Variants in SH3KBP1 observed in about 807,000 individuals in gnomAD.
The protein encoded by SH3KBP1 is SH3 domain containing kinase binding protein 1, also known as SH3 domain-containing kinase-binding protein 1.
Under a neutral mutation model 50.1 loss-of-function variants are expected in SH3KBP1, and 8 were observed. That is an observed-to-expected ratio of 0.16 (90% CI 0.09 to 0.29). SH3KBP1 has a LOEUF of 0.29. Among genes scored for constraint, SH3KBP1 ranks in the 10% least tolerant of loss-of-function variants. The probability of loss-of-function intolerance (pLI) is 1.00; values close to 1 mark genes in which losing one functional copy is unlikely to be tolerated. For synonymous variants in SH3KBP1, 227 were observed against 218.6 expected, an observed-to-expected ratio of 1.04 and a Z score of -0.34; for missense variants, 377 against 535.2, an observed-to-expected ratio of 0.70 and a Z score of 2.92.
intron 2 of SH3KBP1, among the ~76,000 whole-genome samples, chrX:19,792,868 A>G (rs2066579746): frequency 9.1e-6 from 1 of 110,367 alleles, no homozygotes; most frequent in East Asian, 2.8e-4. Flanking sequence ...AACATCCTAC[A>G]ACACACAGGA....
chrX:19,751,072 ACCTTAGCTT>A (rs776686187), intron 2 of SH3KBP1, among the ~76,000 whole-genome samples: 1 of 111,836 alleles, frequency 8.9e-6, no homozygotes, highest in African/African-American at 3.3e-5. Context: ...TCCAGTGGAA[ACCTTAGCTT>A]CCCTCCACAG....
intron 13 of SH3KBP1, among the ~76,000 whole-genome samples, chrX:19,568,207 T>G (rs2065907242): frequency 8.9e-6 from 1 of 111,774 alleles, no homozygotes; most frequent in Non-Finnish European, 1.9e-5. Context: ...CAATAGCATC[T>G]CTATAGTCAA....
At chrX:19,834,713 G>A (rs759310583) in intron 2 of SH3KBP1, among the ~76,000 whole-genome samples, 8 of 111,702 alleles carry the variant, frequency 7.2e-5, no homozygotes, top group Middle Eastern at 4.2e-3. Flanking sequence ...AGGGGTAAAG[G>A]AAAATAATAT....
intron 2 of SH3KBP1, among the ~76,000 whole-genome samples, chrX:19,780,955 A>G (rs961224424): frequency 1.8e-5 from 2 of 112,504 alleles, no homozygotes; most frequent in Non-Finnish European, 1.9e-5. Context: ...TTACTGATAC[A>G]GTAGATATAA....
intron 5 of SH3KBP1, among the ~76,000 whole-genome samples, chrX:19,685,922 A>G (rs1197750408): frequency 1.8e-5 from 2 of 111,768 alleles, no homozygotes; most frequent in Non-Finnish European, 3.8e-5. Context: ...AGTTTTTCAA[A>G]GAGAAGAATT....
intron 2 of SH3KBP1, among the ~76,000 whole-genome samples, chrX:19,772,080 T>C (rs2065805990): frequency 9.0e-6 from 1 of 111,122 alleles, no homozygotes; most frequent in Non-Finnish European, 1.9e-5. Flanking sequence ...AGTATACACA[T>C]TATTTAAGAA....
chrX:19,583,010 G>T (rs956800297), intron 12 of SH3KBP1, among the ~76,000 whole-genome samples: 1 of 109,920 alleles, frequency 9.1e-6, no homozygotes, highest in African/African-American at 3.3e-5. Flanking sequence ...GCTAAGGGCA[G>T]CCTGCCTCTC....
chrX:19,638,606 G>A (rs941529299), intron 7 of SH3KBP1, among the ~76,000 whole-genome samples: 1 of 111,188 alleles, frequency 9.0e-6, no homozygotes, highest in Non-Finnish European at 1.9e-5. Context: ...CTGGGACCAC[G>A]CTGTGAGAAC....
At chrX:19,878,533 A>AGAGAG (rs1176638065) in intron 1 of SH3KBP1, among the ~76,000 whole-genome samples, 1 of 102,096 alleles carries the variant, frequency 9.8e-6, no homozygotes, top group African/African-American at 3.8e-5. Flanking sequence ...AGAGAGAGAG[A>AGAGAG]AAATAAAGGG....
At chrX:19,786,954 C>G (rs2066367543) in intron 2 of SH3KBP1, among the ~76,000 whole-genome samples, 2 of 111,988 alleles carry the variant, frequency 1.8e-5, no homozygotes, top group Admixed American at 1.9e-4. Flanking sequence ...CAATATTTTT[C>G]TGTTACAAAT....
At chrX:19,885,720 T>G (rs2069567654) in intron 1 of SH3KBP1, among the ~76,000 whole-genome samples, 2 of 111,147 alleles carry the variant, frequency 1.8e-5, no homozygotes, top group South Asian at 7.8e-4. Flanking sequence ...AATTTTTGGT[T>G]ACCTCGGGAG....
chrX:19,875,221 C>G (rs1488763293), intron 1 of SH3KBP1, among the ~76,000 whole-genome samples: 1 of 111,782 alleles, frequency 8.9e-6, no homozygotes, highest in Non-Finnish European at 1.9e-5. Flanking sequence ...GAGGCACAGA[C>G]ACACTTTTTA....
intron 2 of SH3KBP1, among the ~76,000 whole-genome samples, chrX:19,790,484 A>G (rs1450454375): frequency 8.9e-6 from 1 of 111,851 alleles, no homozygotes; most frequent in Non-Finnish European, 1.9e-5. Flanking sequence ...GTGGACAACC[A>G]ATCAAAATAC....
At chrX:19,831,715 C>G (rs1020926224) in intron 2 of SH3KBP1, among the ~76,000 whole-genome samples, 12 of 91,913 alleles carry the variant, frequency 1.3e-4, no homozygotes, top group Non-Finnish European at 2.0e-5. Context: ...CACTTGAACC[C>G]AGGAGGTGGA....
intron 16 of SH3KBP1, among the ~76,000 whole-genome samples, chrX:19,538,324 C>T (rs775154248): frequency 1.8e-5 from 2 of 111,564 alleles, no homozygotes; most frequent in Non-Finnish European, 3.8e-5. Context: ...CCTGCCTCAG[C>T]CTCCTGAGTA....
At chrX:19,584,132 TTAA>T (rs904908774) in intron 12 of SH3KBP1, among the ~76,000 whole-genome samples, 21 of 94,051 alleles carry the variant, frequency 2.2e-4, no homozygotes, top group Admixed American at 5.4e-4. Context: ...TGTTACCATA[TTAA>T]TAATATATAT....
chrX:19,816,967 C>T (rs2067376722), intron 2 of SH3KBP1, among the ~76,000 whole-genome samples: 1 of 111,453 alleles, frequency 9.0e-6, no homozygotes, highest in Non-Finnish European at 1.9e-5. Context: ...AGATTTAGGC[C>T]GAGTTTCACT....
intron 3 of SH3KBP1, among the ~76,000 whole-genome samples, chrX:19,718,432 T>C (rs140075863): frequency 9.0e-6 from 1 of 111,492 alleles, no homozygotes; most frequent in East Asian, 2.8e-4. Flanking sequence ...GAAAATGGTA[T>C]GGAAGGCTAT....
chrX:19,567,004 A>C (rs762630565), intron 13 of SH3KBP1, among the ~76,000 whole-genome samples: 6 of 110,790 alleles, frequency 5.4e-5, no homozygotes, highest in Admixed American at 2.9e-4. Flanking sequence ...AAGGCCTGCC[A>C]ACCATCGCAC....
Sources: allele counts gnomAD v4.1 joint callset (sites outside exome capture counted in the v4.1 genomes callset), GRCh38; gene constraint gnomAD v4.1.1; transcripts MANE v1.5; gene names NCBI Gene and HGNC (gene_info 2026-07-23, HGNC 2026-07-21).